SPON2: variants seen among roughly 807,000 people sequenced by gnomAD.
The protein encoded by SPON2 is spondin-2.
In SPON2, 32 loss-of-function variants were observed where a neutral mutation model predicts 29.9. That is an observed-to-expected ratio of 1.07 (90% CI 0.81 to 1.44). SPON2 has a LOEUF of 1.44. Among genes scored for constraint, SPON2 ranks in the 40% most tolerant of loss-of-function variants. SPON2 has a pLI of 0.00. For missense variants in SPON2, 541 were observed against 455.5 expected, an observed-to-expected ratio of 1.19 and a Z score of -1.71; for synonymous variants, 248 against 209.1, an observed-to-expected ratio of 1.19 and a Z score of -1.61.
upstream of SPON2, among the ~76,000 whole-genome samples, chr4:1,197,431 G>C (rs1472739810): frequency 6.6e-6 from 1 of 152,094 alleles, no homozygotes; most frequent in Non-Finnish European, 1.5e-5. Flanking sequence ...GGTAAAACAG[G>C]ATATTAAATC....
intron 1 of SPON2, among the ~76,000 whole-genome samples, chr4:1,206,187 G>C (rs964849706): frequency 1.3e-5 from 2 of 152,198 alleles, no homozygotes; most frequent in Non-Finnish European, 2.9e-5. Context: ...CCCCCTCCCT[G>C]CTCCTCATGT....
intron 5 of SPON2, among the ~76,000 whole-genome samples, chr4:1,169,162 G>A (rs1727339839): frequency 6.6e-6 from 1 of 151,890 alleles, no homozygotes. Context: ...CTGGCCATGT[G>A]CTCCCCTGCC....
chr4:1,167,825 C>A (rs1404414487), intron 5 of SPON2, 169 bp from the exon 6 acceptor site: 4 of 625,944 alleles, frequency 6.4e-6, no homozygotes, highest in Non-Finnish European at 2.6e-6. Context: ...GATGGGATGG[C>A]ACCATAGCAA....
chr4:1,170,234 C>T, intron 5 of SPON2, 168 bp downstream of exon 5: 1 of 697,404 alleles, frequency 1.4e-6, no homozygotes, highest in South Asian at 1.9e-5. Context: ...AGAGTCACAT[C>T]TTCAGTGTGT....
chr4:1,206,433 T>C (rs532326993), intron 1 of SPON2, among the ~76,000 whole-genome samples: 3 of 152,296 alleles, frequency 2.0e-5, no homozygotes, highest in African/African-American at 4.8e-5. Context: ...GCAGCCCAGG[T>C]TGTGGGGCCA....
intron 1 of SPON2, among the ~76,000 whole-genome samples, chr4:1,191,971 C>T (rs1225492024): frequency 6.6e-6 from 1 of 152,220 alleles, no homozygotes; most frequent in Non-Finnish European, 1.5e-5. Flanking sequence ...CCACTTGGGT[C>T]CCTGTTTCCA....
At chr4:1,189,785 G>A (rs192379279) in intron 1 of SPON2, among the ~76,000 whole-genome samples, 6 of 151,664 alleles carry the variant, frequency 4.0e-5, no homozygotes, top group Non-Finnish European at 8.8e-5. Context: ...TCGGGAGATC[G>A]AGACCATCCT....
At chr4:1,204,566 G>A (rs755640932) in intron 1 of SPON2, among the ~76,000 whole-genome samples, 23 of 152,174 alleles carry the variant, frequency 1.5e-4, no homozygotes, top group Non-Finnish European at 2.9e-5. Context: ...TGCAGCCTCC[G>A]GTGTGTGTTA....
intron 1 of SPON2, among the ~76,000 whole-genome samples, chr4:1,203,562 TTGTGGATAAGCTTTTG>T (rs1347175878): frequency 5.3e-5 from 8 of 152,120 alleles, no homozygotes; most frequent in East Asian, 3.9e-4. Context: ...CCAGGAACAT[TTGTGGATAAGCTTTTG>T]TGTGGATAAG....
In SPON2 at chr4:1,172,003, G is replaced by C. The variant is rs752086312; in HGVS notation, c.69C>G (p.Gly23=). ...CTCCCCCAAGAGGCTGGCCGGCGGC[G>C]CCGAGAGTGGCCAGGAGGAGAGCGC... ...ALCALLLATL[G]AAGQPLGGES... The change falls in exon 2 of 6, where the codon GGC becomes GGG. Residue 23 remains glycine (G), a synonymous_variant. Transcript: ENST00000290902. The C allele has an allele frequency of 4.8e-5, 78 of 1,612,718 alleles. No individual in the cohort carries two copies. The highest frequency in any genetic ancestry group is 6.1e-5 in the Non-Finnish European group (72 of 1,179,900).
chr4:1,191,578 G>A (rs1204314699), intron 1 of SPON2, among the ~76,000 whole-genome samples: 2 of 152,214 alleles, frequency 1.3e-5, no homozygotes, highest in Non-Finnish European at 2.9e-5. Context: ...GCTCCTTGAT[G>A]CTCTTCCCTG....
chr4:1,187,863 C>T (rs1727834097), intron 1 of SPON2, among the ~76,000 whole-genome samples: 1 of 152,064 alleles, frequency 6.6e-6, no homozygotes, highest in South Asian at 2.1e-4. Flanking sequence ...TTTATTTTTA[C>T]ACTGCCCTTT....
At chr4:1,206,825 C>T (rs940753155) in intron 1 of SPON2, among the ~76,000 whole-genome samples, 1 of 151,918 alleles carries the variant, frequency 6.6e-6, no homozygotes, top group African/African-American at 2.4e-5. Context: ...AAGCAGATGG[C>T]TTTGACCACG....
chr4:1,178,161 C>T (rs1294785620), upstream of SPON2, among the ~76,000 whole-genome samples: 4 of 149,752 alleles, frequency 2.7e-5, no homozygotes, highest in African/African-American at 4.9e-5. Flanking sequence ...GGCCTCCCTC[C>T]GGCCAGGCAC....
At chr4:1,198,308 A>G (rs1222698760), upstream of SPON2, among the ~76,000 whole-genome samples, 2 of 152,164 alleles carry the variant, frequency 1.3e-5, no homozygotes, top group African/African-American at 4.8e-5. Context: ...AGAGGGCGAG[A>G]GCTGAGCCAG....
intron 1 of SPON2, among the ~76,000 whole-genome samples, chr4:1,180,944 G>A (rs2108657628): frequency 6.6e-6 from 1 of 152,256 alleles, no homozygotes; most frequent in East Asian, 1.9e-4. Context: ...AAGGGAGGAG[G>A]GAGATAAAGG....
chr4:1,167,166 T>C lies in SPON2; in HGVS notation c.*306A>G, dbSNP rs371829040. The C allele has an allele frequency of 2.3e-5, 8 of 347,142 alleles. No homozygotes were observed. The highest frequency in any genetic ancestry group is 4.5e-5 in the Admixed American group (1 of 22,264). The allele number at this position is 347,142 out of a possible 1,614,324, so 21.5% of individuals were successfully genotyped here. A position where few individuals can be genotyped will look rare whatever the true frequency, so the allele number is the denominator to read the frequency against. The stretch of plus-strand genomic sequence containing the variant: ...AATCTCCTGGAGCAGCAATAACTTA[T>C]AAGGAGACATAATTTAGAGTAGCTG... On this transcript the variant is annotated 3_prime_UTR_variant, in exon 6 of 6. Coordinates refer to ENST00000290902, the MANE Select transcript of SPON2 (RefSeq NM_012445.4).
intron 1 of SPON2, chr4:1,201,336 G>A (rs913142731): frequency 1.7e-5 from 6 of 346,986 alleles, no homozygotes; most frequent in Middle Eastern, 1.0e-3. Context: ...CCCCTTGCTC[G>A]CTTCCCTGAA....
At chr4:1,200,416 G>A (rs559678059) in intron 1 of SPON2, among the ~76,000 whole-genome samples, 26 of 152,254 alleles carry the variant, frequency 1.7e-4, no homozygotes, top group African/African-American at 6.0e-4. Flanking sequence ...GGAGGAAGGG[G>A]CTTCAGGACA....
Sources: gnomAD v4.1 joint callset for allele counts (sites outside exome capture counted in the v4.1 genomes callset) on GRCh38, gnomAD v4.1.1 for gene constraint, MANE v1.5 for transcripts, NCBI Gene and HGNC (gene_info 2026-07-23, HGNC 2026-07-21) for gene names.